Variants in LMBR1 observed in about 807,000 individuals in gnomAD.
LMBR1 encodes limb region 1 protein homolog.
A neutral mutation model predicts 73.9 loss-of-function variants in LMBR1; 52 were observed. That is an observed-to-expected ratio of 0.70 (90% CI 0.56 to 0.89). The LOEUF (loss-of-function observed/expected upper bound fraction) is 0.89, where lower values mean the gene tolerates loss of function less well. Ranked by LOEUF, LMBR1 falls within the 40% of genes least tolerant of loss-of-function variation. The pLI, the probability that LMBR1 is intolerant of heterozygous loss-of-function variation, is 0.00. For missense variants in LMBR1, 539 were observed against 579.8 expected, an observed-to-expected ratio of 0.93 and a Z score of 0.72; for synonymous variants, 215 against 209.4, an observed-to-expected ratio of 1.03 and a Z score of -0.23.
At chr7:156,769,070 C>CT (rs1281435000) in intron 5 of LMBR1, among the ~76,000 whole-genome samples, 1 of 152,198 alleles carries the variant, frequency 6.6e-6, no homozygotes. Flanking sequence ...TGAGGCCAAG[C>CT]TTGCATAGTA....
chr7:156,791,020 C>T (rs1459240956), intron 5 of LMBR1, among the ~76,000 whole-genome samples: 2 of 152,098 alleles, frequency 1.3e-5, no homozygotes, highest in Non-Finnish European at 2.9e-5. Context: ...CTAGTGCTCT[C>T]AATTGGGGGA....
intron 9 of LMBR1, 42 bp from the exon 10 acceptor site, chr7:156,734,299 T>A (rs762132576): frequency 3.8e-6 from 5 of 1,324,106 alleles, no homozygotes; most frequent in Non-Finnish European, 5.3e-6. Flanking sequence ...ACAGAACCCC[T>A]AACACTATAG....
chr7:156,867,004 G>T (rs985850290), intron 1 of LMBR1, among the ~76,000 whole-genome samples: 2 of 152,192 alleles, frequency 1.3e-5, no homozygotes, highest in South Asian at 4.1e-4. Flanking sequence ...TGGGTCGGAT[G>T]TAAGTGACTC....
intron 1 of LMBR1, among the ~76,000 whole-genome samples, chr7:156,840,805 A>C (rs1296174449): frequency 3.6e-4 from 7 of 19,334 alleles, no homozygotes; most frequent in Admixed American, 2.6e-3. Flanking sequence ...TAAAAATACA[A>C]AAAAAAAAAA....
At chr7:156,771,211 CAAG>C (rs899908546) in intron 5 of LMBR1, among the ~76,000 whole-genome samples, 3 of 151,838 alleles carry the variant, frequency 2.0e-5, no homozygotes, top group African/African-American at 7.3e-5. Flanking sequence ...TACCAGAAGA[CAAG>C]AAATAACCAA....
chr7:156,766,936 G>A (rs73166134), intron 5 of LMBR1, among the ~76,000 whole-genome samples: 5,620 of 152,264 alleles, frequency 0.037, 167 homozygotes, highest in Non-Finnish European at 0.049. Flanking sequence ...AATAAACAGC[G>A]TCAGGAATGA....
At chr7:156,676,816 C>T, downstream of LMBR1, 1 of 600,312 alleles carries the variant, frequency 1.7e-6, no homozygotes, top group Non-Finnish European at 2.9e-6. Flanking sequence ...TAAAAGCTGA[C>T]ATCCCACCTA....
At chr7:156,858,113 G>C (rs1353232633) in intron 1 of LMBR1, among the ~76,000 whole-genome samples, 2 of 134,512 alleles carry the variant, frequency 1.5e-5, no homozygotes, top group Non-Finnish European at 3.3e-5. Flanking sequence ...ACAAATTAAT[G>C]AAAACAGGAA....
chr7:156,845,553 T>C lies in LMBR1; in HGVS notation c.67-8668A>G, dbSNP rs553509294. The stretch of plus-strand genomic sequence containing the variant: ...CTATTAAAAGAAAACACTGATAGAA[T>C]GATACATATCTTAAAACAAAGTGAC... On this transcript the variant is annotated intron_variant, in intron 1 of 16. Coordinates refer to ENST00000353442, the MANE Select transcript of LMBR1 (RefSeq NM_022458.4). Among the ~76,000 whole-genome samples the C allele has an allele frequency of 2.6e-5, 4 of 152,182 alleles. No homozygotes were observed. The South Asian group carries it at 8.3e-4, about 32-fold the overall frequency.
In LMBR1 at chr7:156,826,733, C is replaced by CTCTCTCAGT. The variant is rs1168058405; in HGVS notation, c.190_191insACTGAGAGA (p.Leu63_Ser64insAsnTer). 1.9e-6 allele frequency: 3 copies of CTCTCTCAGT among 1,607,138 alleles called. No homozygotes were observed. Among genetic ancestry groups the CTCTCTCAGT allele is most frequent in the Non-Finnish European group, 2.6e-6 (3 of 1,176,208 alleles). On this transcript the variant is annotated stop_gained, in exon 4 of 17. Coordinates refer to ENST00000353442, the MANE Select transcript of LMBR1 (RefSeq NM_022458.4). LOFTEE classifies it high-confidence loss of function. Reference sequence around the variant, plus strand: ...AGCTGACACTGCGAGAGTGAACGTGCTCAAAAACAACCTGGAAGAAAGGAG... The same window carrying CTCTCTCAGT: ...AGCTGACACTGCGAGAGTGAACGTGCTCTCTCAGTTCAAAAACAACCTGGAAGAAAGGAG...
intron 1 of LMBR1, among the ~76,000 whole-genome samples, chr7:156,877,679 C>A (rs1170045871): frequency 6.6e-6 from 1 of 152,026 alleles, no homozygotes; most frequent in Admixed American, 6.6e-5. Context: ...GTCAGGAGAT[C>A]GAGACCATTC....
chr7:156,754,055 C>G (rs772506907), intron 9 of LMBR1, among the ~76,000 whole-genome samples: 1 of 151,922 alleles, frequency 6.6e-6, no homozygotes, highest in South Asian at 2.1e-4. Context: ...AATTAAGATC[C>G]GTAATAAGCA....
intron 9 of LMBR1, 62 bp from the exon 10 acceptor site, chr7:156,734,319 C>A: frequency 2.0e-6 from 2 of 1,022,846 alleles, no homozygotes; most frequent in Non-Finnish European, 1.4e-6. Context: ...GAACAGGTAG[C>A]CCTTTAATTA....
chr7:156,854,525 C>G (rs1796680337), intron 1 of LMBR1, among the ~76,000 whole-genome samples: 1 of 152,168 alleles, frequency 6.6e-6, no homozygotes, highest in African/African-American at 2.4e-5. Flanking sequence ...CCAGGGCATG[C>G]TGTTCACCTC....
At chr7:156,693,371 T>G (rs562731541) in intron 15 of LMBR1, among the ~76,000 whole-genome samples, 1 of 150,078 alleles carries the variant, frequency 6.7e-6, no homozygotes, top group African/African-American at 2.5e-5. Flanking sequence ...TCAACAAGAG[T>G]TGGATTTTTT....
intron 15 of LMBR1, among the ~76,000 whole-genome samples, chr7:156,701,057 G>A (rs562665088): frequency 6.6e-6 from 1 of 152,238 alleles, no homozygotes; most frequent in South Asian, 2.1e-4. Context: ...AAAACAGCAA[G>A]GGAAAGGCCT....
intron 4 of LMBR1, among the ~76,000 whole-genome samples, chr7:156,806,558 A>C (rs1198880674): frequency 6.8e-6 from 1 of 146,378 alleles, no homozygotes; most frequent in Non-Finnish European, 1.5e-5. Context: ...CCAGTCTTTC[A>C]CCATTAAGTA....
rs1824384367 is a variant in LMBR1 at position 156,767,784 on chromosome 7, A to AT, written c.424-3990dup. 1.3e-5 allele frequency among the ~76,000 whole-genome samples: 2 copies of AT among 152,084 alleles called. 1 individual carries two copies. The highest frequency in any genetic ancestry group is 4.1e-4 in the South Asian group (2 of 4,828). On this transcript the variant is annotated intron_variant, in intron 5 of 16. Transcript: ENST00000353442. The stretch of plus-strand genomic sequence containing the variant: ...AAACAGGAAATGATAAAAACCAAAT[A>AT]TATCTACTATAACTATATATGCAAA...
At chr7:156,728,052 A>G (rs751098815) in intron 11 of LMBR1, 45 bp from the exon 12 acceptor site, 13 of 1,449,572 alleles carry the variant, frequency 9.0e-6, no homozygotes, top group Non-Finnish European at 9.6e-6. Context: ...ATTTTTCACC[A>G]ATACAAAATA....
Sources: allele counts gnomAD v4.1 joint callset (sites outside exome capture counted in the v4.1 genomes callset), GRCh38; gene constraint gnomAD v4.1.1; transcripts MANE v1.5; gene names NCBI Gene and HGNC (gene_info 2026-07-23, HGNC 2026-07-21).